TDRD10: variants seen among roughly 807,000 people sequenced by gnomAD.
The protein encoded by TDRD10 is tudor domain containing 10.
Under a neutral mutation model 48.0 loss-of-function variants are expected in TDRD10, and 40 were observed. The ratio of observed to expected loss-of-function variants is 0.83; its 90% CI spans 0.65 to 1.09. The LOEUF (loss-of-function observed/expected upper bound fraction) is 1.09. TDRD10 is among the 50% of genes least tolerant of loss of function. TDRD10 has a pLI of 0.00. For missense variants in TDRD10, 378 were observed against 434.7 expected, an observed-to-expected ratio of 0.87 and a Z score of 1.16; for synonymous variants, 162 against 170.4, an observed-to-expected ratio of 0.95 and a Z score of 0.38.
At chr1:154,532,485 C>T (rs1289655243) in intron 6 of TDRD10, among the ~76,000 whole-genome samples, 1 of 152,160 alleles carries the variant, frequency 6.6e-6, no homozygotes, top group Admixed American at 6.5e-5. Flanking sequence ...GCCGAGGGAG[C>T]CAGCTCTGGC....
chr1:154,505,649 G>A (rs550732609), intron 1 of TDRD10, among the ~76,000 whole-genome samples: 39 of 152,118 alleles, frequency 2.6e-4, no homozygotes, highest in South Asian at 1.0e-3. Flanking sequence ...TGACTTTGAC[G>A]CCTTGTTATC....
chr1:154,532,676 TATG>T (rs993277793), intron 6 of TDRD10, among the ~76,000 whole-genome samples: 4 of 152,136 alleles, frequency 2.6e-5, no homozygotes, highest in Admixed American at 2.6e-4. Context: ...TGGTTCTTGG[TATG>T]ATGAGTGAGT....
intron 4 of TDRD10, 45 bp from the exon 5 acceptor site, chr1:154,520,258 TA>T: frequency 7.1e-7 from 1 of 1,403,614 alleles, no homozygotes; most frequent in Non-Finnish European, 1.0e-6. Context: ...GAAGTGGTTG[TA>T]AGTTATGTCT....
At chr1:154,531,871 C>T (rs1184510797) in intron 6 of TDRD10, among the ~76,000 whole-genome samples, 1 of 152,192 alleles carries the variant, frequency 6.6e-6, no homozygotes, top group East Asian at 1.9e-4. Context: ...ACAAGTTCTC[C>T]ACCTCACCAC....
intron 6 of TDRD10, among the ~76,000 whole-genome samples, chr1:154,535,121 CT>C (rs1694851576): frequency 6.6e-6 from 1 of 152,122 alleles, no homozygotes; most frequent in South Asian, 2.1e-4. Context: ...AAGGGTAGCA[CT>C]TTGGGAGGCC....
At chr1:154,528,888 C>A (rs10908846) in intron 6 of TDRD10, among the ~76,000 whole-genome samples, 118,984 of 152,114 alleles carry the variant, frequency 0.78, 47,325 homozygotes, top group East Asian at 0.92. Context: ...TCTTTGTATA[C>A]CTTTTTAAAT....
intron 8 of TDRD10, among the ~76,000 whole-genome samples, chr1:154,543,671 C>T (rs567371802): frequency 6.6e-6 from 1 of 152,120 alleles, no homozygotes; most frequent in East Asian, 1.9e-4. Flanking sequence ...GACTTTTATC[C>T]ACCTCTCTCG....
intron 1 of TDRD10, among the ~76,000 whole-genome samples, chr1:154,505,234 TTGAG>T (rs372997317): frequency 4.2e-4 from 64 of 152,342 alleles, no homozygotes; most frequent in African/African-American, 1.3e-3. Flanking sequence ...CTCTTAGAGT[TTGAG>T]TGAGGATTAA....
intron 4 of TDRD10, among the ~76,000 whole-genome samples, chr1:154,512,662 A>G (rs540043117): frequency 4.6e-5 from 7 of 152,078 alleles, no homozygotes; most frequent in Non-Finnish European, 7.4e-5. Context: ...CTCTTTTAAG[A>G]TGCATATCTT....
intron 4 of TDRD10, among the ~76,000 whole-genome samples, chr1:154,511,014 C>T (rs936336792): frequency 4.6e-5 from 7 of 151,750 alleles, no homozygotes; most frequent in African/African-American, 1.7e-4. Context: ...CCACTGCACT[C>T]CAGCCTGGGA....
intron 7 of TDRD10, 147 bp from the exon 8 acceptor site, chr1:154,542,583 AT>A: frequency 1.7e-6 from 1 of 589,056 alleles, no homozygotes; most frequent in Non-Finnish European, 3.0e-6. Flanking sequence ...CCAGATGAGA[AT>A]CTAGAGACTG....
intron 6 of TDRD10, among the ~76,000 whole-genome samples, chr1:154,528,233 T>G (rs1303779329): frequency 7.4e-6 from 1 of 135,322 alleles, no homozygotes. Flanking sequence ...AAAAAAAAAT[T>G]TTTTTTTGAG....
chr1:154,507,344 T>A (rs1295727990), intron 3 of TDRD10, 24 bp downstream of exon 3: 1 of 1,612,810 alleles, frequency 6.2e-7, no homozygotes. Flanking sequence ...GGGGATTCGC[T>A]GGTGCTGGGA....
intron 11 of TDRD10, among the ~76,000 whole-genome samples, chr1:154,546,452 TATATATTATGTAAC>T (rs1695585242): frequency 6.9e-6 from 1 of 145,532 alleles, no homozygotes; most frequent in African/African-American, 2.5e-5. Context: ...TAATATATAT[TATATATTATGTAAC>T]ATATATAATA....
chr1:154,527,096 G>T, intron 6 of TDRD10, among the ~76,000 whole-genome samples: 1 of 151,156 alleles, frequency 6.6e-6, no homozygotes, highest in Non-Finnish European at 1.5e-5. Context: ...TTTTTAGCAT[G>T]GACAGGATTT....
chr1:154,543,416 G>A (rs971788475), intron 8 of TDRD10, among the ~76,000 whole-genome samples: 12 of 152,190 alleles, frequency 7.9e-5, no homozygotes, highest in African/African-American at 1.9e-4. Context: ...AGCGGATACC[G>A]TTCTTAATGT....
At chr1:154,532,180 A>G (rs898134632) in intron 6 of TDRD10, among the ~76,000 whole-genome samples, 8 of 152,164 alleles carry the variant, frequency 5.3e-5, no homozygotes, top group Non-Finnish European at 8.8e-5. Context: ...GCAGGAGCCC[A>G]TGGCGGGGTG....
At chr1:154,532,961 A>ACTT (rs141389846) in intron 6 of TDRD10, among the ~76,000 whole-genome samples, 29,438 of 151,760 alleles carry the variant, frequency 0.19, 3,038 homozygotes, top group South Asian at 0.23. Context: ...TCTCCACTAC[A>ACTT]CTTCTGACAC....
Position 154,529,546 on chromosome 1 carries a change from AT to A in TDRD10, c.369+8083del, listed in dbSNP as rs56210038. Among the ~76,000 whole-genome samples, 572 of 130,562 alleles carry A rather than the reference AT, an allele frequency of 4.4e-3. 3 individuals are homozygous for A. The highest frequency in any genetic ancestry group is 0.013 in the South Asian group (54 of 4,154). The allele number at this position is 130,562 out of a possible 152,430, so 85.7% of individuals were successfully genotyped here. On this transcript the variant is annotated intron_variant, in intron 6 of 12. Coordinates refer to ENST00000368482, the MANE Select transcript of TDRD10 (RefSeq NM_182499.4). ...ATTTACCCATATTTTTTCTGTGTTC[AT>A]TTTTTTTTTTTTTTTGAGACGGAGT...
Sources: gnomAD v4.1 joint callset for allele counts (sites outside exome capture counted in the v4.1 genomes callset) on GRCh38, gnomAD v4.1.1 for gene constraint, MANE v1.5 for transcripts, NCBI Gene and HGNC (gene_info 2026-07-23, HGNC 2026-07-21) for gene names.